Variants in RMND1 observed in about 807,000 individuals in gnomAD.
The protein encoded by RMND1 is required for meiotic nuclear division protein 1 homolog.
In RMND1, 41 loss-of-function variants were observed where a neutral mutation model predicts 54.0. The observed-to-expected ratio is 0.76, with a 90% confidence interval of 0.59 to 0.98. The LOEUF (loss-of-function observed/expected upper bound fraction) is 0.98, where lower values mean the gene tolerates loss of function less well. RMND1 is among the 50% of genes least tolerant of loss of function. The probability of loss-of-function intolerance (pLI) is 0.00; values close to 1 mark genes in which losing one functional copy is unlikely to be tolerated. For missense variants in RMND1, 457 were observed against 532.0 expected, an observed-to-expected ratio of 0.86 and a Z score of 1.39; for synonymous variants, 183 against 181.7, an observed-to-expected ratio of 1.01 and a Z score of -0.06.
intron 1 of RMND1, among the ~76,000 whole-genome samples, chr6:151,447,250 T>C (rs1582972269): frequency 6.6e-6 from 1 of 152,190 alleles, no homozygotes; most frequent in East Asian, 1.9e-4. Context: ...TATAAAGTCA[T>C]CCTAAAAAGT....
At chr6:151,430,263 A>C in intron 4 of RMND1, 86 bp from the exon 5 acceptor site, 1 of 939,384 alleles carries the variant, frequency 1.1e-6, no homozygotes, top group South Asian at 1.5e-5. Flanking sequence ...AACTTCTAGA[A>C]TGTATACAGG....
chr6:151,422,666 A>ACATAATTG (rs1780186234), intron 7 of RMND1, 61 bp from the exon 8 acceptor site: 2 of 701,370 alleles, frequency 2.9e-6, no homozygotes, highest in East Asian at 6.0e-5. Flanking sequence ...TATATAAAAT[A>ACATAATTG]CATAATTGCA....
intron 9 of RMND1, among the ~76,000 whole-genome samples, chr6:151,417,757 T>G: frequency 6.6e-6 from 1 of 152,288 alleles, no homozygotes; most frequent in Middle Eastern, 3.4e-3. Flanking sequence ...TAATTCAATC[T>G]TTAATACCAA....
intron 10 of RMND1, among the ~76,000 whole-genome samples, chr6:151,416,324 G>A (rs1396079471): frequency 2.0e-5 from 3 of 151,806 alleles, no homozygotes; most frequent in Non-Finnish European, 2.9e-5. Flanking sequence ...CTATAGATGT[G>A]GCAAAATGTC....
At chr6:151,425,602 A>C (rs536653538) in intron 6 of RMND1, among the ~76,000 whole-genome samples, 125 of 152,316 alleles carry the variant, frequency 8.2e-4, no homozygotes, top group African/African-American at 2.9e-3. Flanking sequence ...CCAAGGGCTG[A>C]GTAACTACTA....
chr6:151,419,977 AG>A (rs1490290306), intron 9 of RMND1, among the ~76,000 whole-genome samples: 1 of 137,888 alleles, frequency 7.3e-6, no homozygotes, highest in Non-Finnish European at 1.5e-5. Context: ...ATTTAGATTT[AG>A]TTTTTTAATC....
chr6:151,429,247 G>C (rs574006369), intron 5 of RMND1, among the ~76,000 whole-genome samples: 1 of 151,690 alleles, frequency 6.6e-6, no homozygotes, highest in Non-Finnish European at 1.5e-5. Flanking sequence ...TCAGCTACCC[G>C]AGTAGCTGGG....
chr6:151,436,057 A>T (rs1263547921), intron 3 of RMND1, among the ~76,000 whole-genome samples: 1 of 151,506 alleles, frequency 6.6e-6, no homozygotes, highest in Non-Finnish European at 1.5e-5. Context: ...GTGAGCTGAG[A>T]TCGCGCCATT....
chr6:151,439,247 C>T (rs9397409), intron 2 of RMND1, among the ~76,000 whole-genome samples: 47,546 of 152,074 alleles, frequency 0.31, 7,602 homozygotes, highest in East Asian at 0.37. Context: ...TGTTATACTT[C>T]GCCTATTGAT....
intron 2 of RMND1, among the ~76,000 whole-genome samples, chr6:151,443,419 C>G (rs1780847301): frequency 6.6e-6 from 1 of 152,130 alleles, no homozygotes; most frequent in African/African-American, 2.4e-5. Flanking sequence ...TCAAGAGATT[C>G]TCCTGCCTCA....
intron 1 of RMND1, among the ~76,000 whole-genome samples, chr6:151,447,618 A>G (rs937853307): frequency 6.6e-6 from 1 of 152,218 alleles, no homozygotes; most frequent in Non-Finnish European, 1.5e-5. Context: ...TTTAGGAGGT[A>G]GAACCTGCTG....
chr6:151,432,697 T>A (rs1670001703), intron 4 of RMND1, among the ~76,000 whole-genome samples: 1 of 152,126 alleles, frequency 6.6e-6, no homozygotes, highest in East Asian at 1.9e-4. Flanking sequence ...TAAGTGTGTA[T>A]GTGAGTCTCC....
chr6:151,441,499 G>T (rs544543122), intron 2 of RMND1, among the ~76,000 whole-genome samples: 2 of 152,244 alleles, frequency 1.3e-5, no homozygotes, highest in South Asian at 2.1e-4. Flanking sequence ...GCTTCAGGAT[G>T]GGGGGTGGTT....
chr6:151,408,255 G>A (rs1225839220), intron 10 of RMND1, among the ~76,000 whole-genome samples: 1 of 152,116 alleles, frequency 6.6e-6, no homozygotes, highest in African/African-American at 2.4e-5. Flanking sequence ...AGCATTTTGG[G>A]AGGCCAAGGC....
At position 151,430,198 on chromosome 6, in the gene RMND1, A is replaced by T. The variant is rs775901714; in HGVS notation, c.690-21T>A. 9 of 1,562,562 alleles carry T rather than the reference A, an allele frequency of 5.8e-6. No individual in the cohort carries two copies. In the South Asian group the frequency reaches 1.0e-4, roughly 18 times the overall value. On this transcript the variant is annotated intron_variant, in intron 4 of 11. Coordinates refer to ENST00000444024, the MANE Select transcript of RMND1 (RefSeq NM_017909.4). ...CTTCCCTGATTTAAAAAAATAAAAGAAACAACTAAGATACAGATGGAATAC... is the reference window on the plus strand; with the variant it reads ...CTTCCCTGATTTAAAAAAATAAAAGTAACAACTAAGATACAGATGGAATAC...
chr6:151,408,181 A>G (rs1266522862), intron 10 of RMND1, among the ~76,000 whole-genome samples: 1 of 152,056 alleles, frequency 6.6e-6, no homozygotes, highest in African/African-American at 2.4e-5. Flanking sequence ...CCTAGAAGAA[A>G]GTGCTTGGAA....
intron 1 of RMND1, among the ~76,000 whole-genome samples, chr6:151,447,939 G>T (rs1038659108): frequency 6.6e-6 from 1 of 150,650 alleles, no homozygotes; most frequent in Non-Finnish European, 1.5e-5. Flanking sequence ...TCAGCCTCCC[G>T]AGTAGCTGGG....
intron 8 of RMND1, among the ~76,000 whole-genome samples, chr6:151,421,567 A>G (rs190559622): frequency 6.6e-6 from 1 of 152,090 alleles, no homozygotes; most frequent in Non-Finnish European, 1.5e-5. Flanking sequence ...ATACATTCCT[A>G]ATCTCTTAGT....
At chr6:151,435,457 TAATTAATGTA>T (rs1375242821) in intron 3 of RMND1, among the ~76,000 whole-genome samples, 3 of 152,126 alleles carry the variant, frequency 2.0e-5, no homozygotes, top group Non-Finnish European at 2.9e-5. Flanking sequence ...AAATTATTTT[TAATTAATGTA>T]AAGCAAGCCA....
Sources: allele counts gnomAD v4.1 joint callset (sites outside exome capture counted in the v4.1 genomes callset), GRCh38; gene constraint gnomAD v4.1.1; transcripts MANE v1.5; gene names NCBI Gene and HGNC (gene_info 2026-07-23, HGNC 2026-07-21).